Variants in HMCN1 observed in about 807,000 individuals in gnomAD.
The protein encoded by HMCN1 is hemicentin 1.
A neutral mutation model predicts 625.9 loss-of-function variants in HMCN1; 321 were observed. The ratio of observed to expected loss-of-function variants is 0.51; its 90% CI spans 0.47 to 0.56. The LOEUF is 0.56. HMCN1 is among the 20% of genes least tolerant of loss of function. The probability of loss-of-function intolerance (pLI) is 0.00; values close to 1 mark genes in which losing one functional copy is unlikely to be tolerated. For missense variants in HMCN1, 6,588 were observed against 6,887.3 expected (o/e 0.96, Z 1.54); for synonymous variants, 2,425 against 2,417.6 (o/e 1.00, Z -0.09).
intron 1 of HMCN1, among the ~76,000 whole-genome samples, chr1:185,824,811 G>A (rs948088007): frequency 6.6e-6 from 1 of 152,020 alleles, no homozygotes; most frequent in East Asian, 1.9e-4. Flanking sequence ...TGTTTTATTC[G>A]ATAGCCTGTG....
At chr1:186,040,967 C>T in intron 39 of HMCN1, 46 bp from the exon 40 acceptor site, 1 of 1,602,912 alleles carries the variant, frequency 6.2e-7, no homozygotes, top group Non-Finnish European at 8.5e-7. Context: ...TTACACCTAC[C>T]ATTCTCAGAG....
intron 42 of HMCN1, among the ~76,000 whole-genome samples, chr1:186,049,770 C>T (rs945610865): frequency 5.9e-5 from 9 of 151,920 alleles, no homozygotes; most frequent in African/African-American, 1.9e-4. Flanking sequence ...TAACTTTGTT[C>T]CAATGGAGAA....
chr1:185,906,891 A>T (rs1464169477), intron 4 of HMCN1, among the ~76,000 whole-genome samples: 1 of 150,920 alleles, frequency 6.6e-6, no homozygotes, highest in African/African-American at 2.4e-5. Context: ...TATCCTCAAA[A>T]TTATTTATTA....
At chr1:185,999,122 A>G (rs1239294267) in intron 25 of HMCN1, among the ~76,000 whole-genome samples, 2 of 148,310 alleles carry the variant, frequency 1.3e-5, no homozygotes, top group East Asian at 1.9e-4. Context: ...TATTTCTGCT[A>G]TTCTTTTATA....
chr1:185,864,463 T>C lies in HMCN1; in HGVS notation c.340-7T>C. On this transcript the variant is annotated splice_region_variant and splice_polypyrimidine_tract_variant and intron_variant, in intron 2 of 106. Transcript: ENST00000271588. Reference sequence around the variant, plus strand: ...GACGTAATTGAATTTTTCTCTCCACTCAACAGGGTGGTGGTGATTGCCCAG... The same window carrying C: ...GACGTAATTGAATTTTTCTCTCCACCCAACAGGGTGGTGGTGATTGCCCAG... 2.5e-6 allele frequency: 4 copies of C among 1,613,670 alleles called. No individual in the cohort carries two copies. Among genetic ancestry groups the C allele is most frequent in the Non-Finnish European group, 3.4e-6 (4 of 1,179,714 alleles).
chr1:186,165,486 A>G (rs990248225), intron 98 of HMCN1, among the ~76,000 whole-genome samples: 4 of 152,204 alleles, frequency 2.6e-5, no homozygotes, highest in Non-Finnish European at 5.9e-5. Flanking sequence ...ACAATGCTAT[A>G]CTTTATCTGG....
rs959712442 is a variant in HMCN1 at position 185,999,977 on chromosome 1, A to C, written c.3875-68A>C. ...ATAACAAAAACTTTATTTCTCTTTG[A>C]TATATTTGATATTTAATAATTTCTG... On this transcript the variant is annotated intron_variant, in intron 25 of 106. Transcript: ENST00000271588. The C allele has an allele frequency of 5.5e-6, 6 of 1,086,554 alleles. No individual in the cohort carries two copies. In the Admixed American group the frequency reaches 5.9e-5, roughly 11 times the overall value. 67.3% of individuals were successfully genotyped at this position (1,086,554 alleles called of 1,614,324 possible). A position where few individuals can be genotyped will look rare whatever the true frequency, so the allele number is the denominator to read the frequency against.
intron 1 of HMCN1, among the ~76,000 whole-genome samples, chr1:185,813,744 A>G (rs1659672775): frequency 6.6e-6 from 1 of 152,082 alleles, no homozygotes; most frequent in South Asian, 2.1e-4. Flanking sequence ...TTTAATAGAA[A>G]TTTTCTGACT....
intron 68 of HMCN1, among the ~76,000 whole-genome samples, chr1:186,099,460 G>A (rs1341183467): frequency 7.9e-5 from 12 of 151,988 alleles, no homozygotes; most frequent in Admixed American, 7.2e-4. Context: ...TTGAATATAC[G>A]TTATATGACA....
chr1:186,179,947 G>T (rs183490621), intron 104 of HMCN1, among the ~76,000 whole-genome samples: 1 of 152,084 alleles, frequency 6.6e-6, no homozygotes, highest in East Asian at 1.9e-4. Flanking sequence ...ATTTTTTCCA[G>T]CACTTTTCTG....
rs576170748 is a variant in HMCN1, at chr1:186,011,153, C to T, written c.4630+3871C>T. ...CTCCGCCTCTTCGGTTCAAGTGATT[C>T]TCCTGCCTCAGCTTCCCGAGTAGCT... is the stretch of plus-strand genomic sequence containing the variant. On this transcript the variant is annotated intron_variant, in intron 30 of 106. Transcript: ENST00000271588. Among the ~76,000 whole-genome samples, 6 of 152,246 alleles carry T rather than the reference C, an allele frequency of 3.9e-5. No individual in the cohort carries two copies. In the East Asian group the frequency reaches 1.2e-3, roughly 29 times the overall value.
intron 4 of HMCN1, among the ~76,000 whole-genome samples, chr1:185,887,201 T>C (rs1664713604): frequency 6.6e-6 from 1 of 152,208 alleles, no homozygotes; most frequent in African/African-American, 2.4e-5. Context: ...CAGTACTTAC[T>C]ATTTCTTCAG....
intron 1 of HMCN1, among the ~76,000 whole-genome samples, chr1:185,780,575 C>T (rs903882069): frequency 8.5e-5 from 13 of 152,100 alleles, no homozygotes; most frequent in African/African-American, 2.7e-4. Context: ...TGAATTTTGT[C>T]GAAGGCCTTT....
intron 11 of HMCN1, among the ~76,000 whole-genome samples, chr1:185,960,981 C>T (rs1178877927): frequency 1.3e-5 from 2 of 152,120 alleles, no homozygotes; most frequent in African/African-American, 4.8e-5. Context: ...TGCCCTTGAC[C>T]TCACACATTT....
chr1:185,965,684 T>C (rs768362252), intron 13 of HMCN1, 118 bp from the exon 14 acceptor site: 2 of 727,698 alleles, frequency 2.7e-6, no homozygotes, highest in East Asian at 2.6e-5. Flanking sequence ...TTTCGGTTTA[T>C]AAATATTGAA....
At chr1:185,855,666 A>G (rs1157339428) in intron 2 of HMCN1, among the ~76,000 whole-genome samples, 1 of 152,162 alleles carries the variant, frequency 6.6e-6, no homozygotes. Flanking sequence ...CTGAAGACCC[A>G]CCTAAGCTCT....
At chr1:185,735,536 G>T (rs1432903855) in intron 1 of HMCN1, among the ~76,000 whole-genome samples, 1 of 152,152 alleles carries the variant, frequency 6.6e-6, no homozygotes, top group Non-Finnish European at 1.5e-5. Flanking sequence ...ACTACTAGTG[G>T]AACTGAAGAC....
intron 97 of HMCN1, among the ~76,000 whole-genome samples, chr1:186,162,815 C>G (rs1471023415): frequency 2.0e-5 from 3 of 152,210 alleles, no homozygotes; most frequent in African/African-American, 2.4e-5. Context: ...AGGTGTCAGT[C>G]TGCCCCTACT....
At chr1:185,959,203 C>G (rs1021632474) in intron 11 of HMCN1, among the ~76,000 whole-genome samples, 1 of 152,052 alleles carries the variant, frequency 6.6e-6, no homozygotes, top group African/African-American at 2.4e-5. Flanking sequence ...AAGAAAAAGT[C>G]CTTAGGTATT....
Sources: allele counts gnomAD v4.1 joint callset (sites outside exome capture counted in the v4.1 genomes callset), GRCh38; gene constraint gnomAD v4.1.1; transcripts MANE v1.5; gene names NCBI Gene and HGNC (gene_info 2026-07-23, HGNC 2026-07-21).